SPATA17: variants seen among roughly 807,000 people sequenced by gnomAD.
SPATA17 encodes the protein spermatogenesis-associated protein 17.
Under a neutral mutation model 62.2 loss-of-function variants are expected in SPATA17, and 53 were observed. The ratio of observed to expected loss-of-function variants is 0.85; its 90% confidence interval spans 0.68 to 1.07. SPATA17 has a LOEUF of 1.07. Ranked by LOEUF, SPATA17 falls within the 50% of genes least tolerant of loss-of-function variation. The probability of loss-of-function intolerance (pLI) is 0.00; values close to 1 mark genes in which losing one functional copy is unlikely to be tolerated. For missense variants in SPATA17, 466 were observed against 425.5 expected (o/e 1.10, Z -0.84); for synonymous variants, 146 against 146.8 (o/e 0.99, Z 0.04).
At position 217,680,948 on chromosome 1, in the gene SPATA17, G is replaced by T. The variant is rs917946790; in HGVS notation, c.292-2310G>T. The stretch of plus-strand genomic sequence containing the variant: ...AAAAAAAAAAAAAAAAAAAAAAAAG[G>T]CTGGGCACGGTGGCTCACGCCTGTA... On this transcript the variant is annotated intron_variant, in intron 4 of 10. Coordinates refer to ENST00000366933, the MANE Select transcript of SPATA17 (RefSeq NM_138796.4). Among the ~76,000 whole-genome samples the T allele has an allele frequency of 1.7e-4, 19 of 113,886 alleles. No homozygotes were observed. In the East Asian group the frequency reaches 2.3e-3, roughly 14 times the overall value. 74.7% of individuals were successfully genotyped at this position (113,886 alleles called of 152,430 possible).
At chr1:217,840,501 C>A (rs185495135) in intron 9 of SPATA17, among the ~76,000 whole-genome samples, 15 of 152,202 alleles carry the variant, frequency 9.9e-5, no homozygotes, top group Non-Finnish European at 1.8e-4. Flanking sequence ...ACTATAGTAT[C>A]TCAACTAGCT....
chr1:217,810,007 G>T (rs1674546213), intron 9 of SPATA17, among the ~76,000 whole-genome samples: 2 of 152,056 alleles, frequency 1.3e-5, no homozygotes, highest in South Asian at 2.1e-4. Context: ...ATTCAAGGAG[G>T]TGTTCATTTC....
At chr1:217,710,622 A>G (rs1671836321) in intron 5 of SPATA17, among the ~76,000 whole-genome samples, 1 of 152,120 alleles carries the variant, frequency 6.6e-6, no homozygotes, top group Admixed American at 6.5e-5. Flanking sequence ...TTTATGTATC[A>G]TGAAAGTTTT....
intron 9 of SPATA17, among the ~76,000 whole-genome samples, chr1:217,844,230 T>C (rs1317314356): frequency 6.6e-6 from 1 of 152,020 alleles, no homozygotes; most frequent in African/African-American, 2.4e-5. Flanking sequence ...CAACCCCTAG[T>C]ATAGGAAATT....
At chr1:217,832,005 C>T (rs571582237) in intron 9 of SPATA17, among the ~76,000 whole-genome samples, 1 of 152,016 alleles carries the variant, frequency 6.6e-6, no homozygotes, top group Non-Finnish European at 1.5e-5. Context: ...TGAAATTATA[C>T]CTGTTTGAAT....
At chr1:217,637,687 A>G (rs1669972683) in intron 1 of SPATA17, among the ~76,000 whole-genome samples, 2 of 152,268 alleles carry the variant, frequency 1.3e-5, no homozygotes, top group South Asian at 4.1e-4. Flanking sequence ...TCTTAGTCCT[A>G]TTAGCCTAAA....
chr1:217,668,051 C>A (rs1187352036), intron 3 of SPATA17, among the ~76,000 whole-genome samples: 1 of 152,184 alleles, frequency 6.6e-6, no homozygotes, highest in Non-Finnish European at 1.5e-5. Flanking sequence ...TGTCATGGGG[C>A]AGAAAGCCCC....
intron 1 of SPATA17, among the ~76,000 whole-genome samples, chr1:217,643,497 A>C (rs1388839337): frequency 6.6e-6 from 1 of 151,978 alleles, no homozygotes; most frequent in African/African-American, 2.4e-5. Context: ...AGACTATGAC[A>C]TCTTACCCCA....
chr1:217,802,506 G>C (rs571603832), intron 9 of SPATA17, among the ~76,000 whole-genome samples: 7 of 152,052 alleles, frequency 4.6e-5, no homozygotes, highest in Non-Finnish European at 7.4e-5. Context: ...CATAGTTTCT[G>C]GTGAGGCCTT....
chr1:217,835,572 G>C (rs975274893), intron 9 of SPATA17, among the ~76,000 whole-genome samples: 2 of 152,062 alleles, frequency 1.3e-5, no homozygotes, highest in African/African-American at 4.8e-5. Context: ...AATAACCATA[G>C]TGCATTGAAT....
intron 6 of SPATA17, among the ~76,000 whole-genome samples, chr1:217,764,940 C>T (rs905794535): frequency 6.6e-6 from 1 of 152,086 alleles, no homozygotes; most frequent in African/African-American, 2.4e-5. Context: ...GAAGTGATGA[C>T]AGGAGACATC....
intron 5 of SPATA17, among the ~76,000 whole-genome samples, chr1:217,704,196 GT>G (rs200460576): frequency 8.7e-6 from 1 of 115,290 alleles, no homozygotes; most frequent in African/African-American, 3.1e-5. Context: ...CAACGGGTAG[GT>G]TTTTTTATCC....
chr1:217,783,968 C>T (rs1673793783), intron 8 of SPATA17, among the ~76,000 whole-genome samples: 1 of 151,896 alleles, frequency 6.6e-6, no homozygotes, highest in African/African-American at 2.4e-5. Flanking sequence ...AGAAAAAAAC[C>T]AAGTTGCAGA....
intron 3 of SPATA17, among the ~76,000 whole-genome samples, chr1:217,658,769 A>G (rs979876661): frequency 6.6e-6 from 1 of 152,050 alleles, no homozygotes; most frequent in Non-Finnish European, 1.5e-5. Context: ...AAAAATCATA[A>G]TAATAATAAA....
At chr1:217,816,346 AAT>A (rs1219788319) in intron 9 of SPATA17, among the ~76,000 whole-genome samples, 1 of 151,798 alleles carries the variant, frequency 6.6e-6, no homozygotes, top group East Asian at 1.9e-4. Context: ...ATTATTTATT[AAT>A]TTTTAAAGAC....
chr1:217,699,865 A>G (rs756097819), intron 5 of SPATA17, among the ~76,000 whole-genome samples: 1 of 151,830 alleles, frequency 6.6e-6, no homozygotes. Context: ...ATTCATTTTT[A>G]GTTCATTTGT....
intron 9 of SPATA17, among the ~76,000 whole-genome samples, chr1:217,849,491 T>C (rs570444950): frequency 3.9e-5 from 6 of 152,264 alleles, no homozygotes; most frequent in African/African-American, 9.6e-5. Context: ...AAAACTTTGT[T>C]GACCTCTTTC....
chr1:217,709,481 G>T (rs1257198955), intron 5 of SPATA17, among the ~76,000 whole-genome samples: 1 of 152,098 alleles, frequency 6.6e-6, no homozygotes, highest in Non-Finnish European at 1.5e-5. Context: ...TTACCATCAG[G>T]CAGCTTACAA....
intron 3 of SPATA17, among the ~76,000 whole-genome samples, chr1:217,661,690 G>A (rs959012557): frequency 6.6e-6 from 1 of 151,994 alleles, no homozygotes; most frequent in Non-Finnish European, 1.5e-5. Context: ...CCTATCTTAG[G>A]GGTACAGAAC....
Sources: allele counts gnomAD v4.1 joint callset (sites outside exome capture counted in the v4.1 genomes callset), GRCh38; gene constraint gnomAD v4.1.1; transcripts MANE v1.5; gene names NCBI Gene and HGNC (gene_info 2026-07-23, HGNC 2026-07-21).